ATG7: variants seen among roughly 807,000 people sequenced by gnomAD.
ATG7 encodes the protein ubiquitin-like modifier-activating enzyme ATG7.
In ATG7, 70 loss-of-function variants were observed where a neutral mutation model predicts 82.4. The observed-to-expected ratio is 0.85, with a 90% confidence interval of 0.70 to 1.04. The LOEUF is 1.04. Among genes scored for constraint, ATG7 ranks in the 50% least tolerant of loss-of-function variants. The pLI is 0.00. For missense variants in ATG7, 792 were observed against 864.3 expected, an observed-to-expected ratio of 0.92 and a Z score of 1.05; for synonymous variants, 287 against 313.0, an observed-to-expected ratio of 0.92 and a Z score of 0.88.
chr3:11,342,537 T>C (rs1953818729), intron 13 of ATG7, among the ~76,000 whole-genome samples: 1 of 152,176 alleles, frequency 6.6e-6, no homozygotes, highest in South Asian at 2.1e-4. Flanking sequence ...GCAGCCTTTT[T>C]CCCAGATGTT....
intron 20 of ATG7, among the ~76,000 whole-genome samples, chr3:11,514,256 A>C (rs2092192269): frequency 6.6e-6 from 1 of 152,240 alleles, no homozygotes; most frequent in Non-Finnish European, 1.5e-5. Context: ...TGTGACTTTT[A>C]GACCCATGTT....
chr3:11,313,216 A>G, intron 7 of ATG7, 88 bp from the exon 8 acceptor site: 1 of 770,110 alleles, frequency 1.3e-6, no homozygotes, highest in Non-Finnish European at 2.1e-6. Context: ...TGCTATCTTA[A>G]TTGGCCTTGA....
chr3:11,546,469 G>A (rs2071301318), intron 20 of ATG7, among the ~76,000 whole-genome samples: 3 of 152,306 alleles, frequency 2.0e-5, no homozygotes, highest in South Asian at 2.1e-4. Flanking sequence ...ACTGCGCCCA[G>A]CCTTATTTTA....
intron 20 of ATG7, among the ~76,000 whole-genome samples, chr3:11,452,292 G>T (rs552693594): frequency 1.3e-5 from 2 of 148,166 alleles, no homozygotes; most frequent in African/African-American, 5.1e-5. Flanking sequence ...GGCTGAGGCA[G>T]GAGAATCACT....
At chr3:11,521,449 C>T (rs1276065222) in intron 20 of ATG7, among the ~76,000 whole-genome samples, 1 of 152,106 alleles carries the variant, frequency 6.6e-6, no homozygotes, top group African/African-American at 2.4e-5. Context: ...GCGCATCGCA[C>T]AGCAGGGCAC....
chr3:11,507,183 G>A (rs2091779097), intron 20 of ATG7, among the ~76,000 whole-genome samples: 2 of 152,176 alleles, frequency 1.3e-5, no homozygotes, highest in Admixed American at 6.5e-5. Flanking sequence ...TCAGGAGGCT[G>A]AGGCAGGAGA....
intron 20 of ATG7, among the ~76,000 whole-genome samples, chr3:11,506,571 AAAAAAAAAAAAAACCC>A (rs2091732290): frequency 2.2e-5 from 3 of 135,452 alleles, no homozygotes; most frequent in African/African-American, 8.7e-5. Context: ...AAAAAAAAAA[AAAAAAAAAAAAAACCC>A]AAAAATTAGC....
chr3:11,534,376 C>T (rs1028979124), intron 20 of ATG7, among the ~76,000 whole-genome samples: 1 of 152,226 alleles, frequency 6.6e-6, no homozygotes. Flanking sequence ...TGATGGGCGT[C>T]GCCTCAGAAT....
intron 20 of ATG7, among the ~76,000 whole-genome samples, chr3:11,533,948 G>A (rs565873179): frequency 2.6e-5 from 4 of 152,212 alleles, no homozygotes; most frequent in Admixed American, 6.5e-5. Context: ...AACTTGGAGC[G>A]CATCTTGAGG....
At position 11,555,004 on chromosome 3, in the gene ATG7, C is replaced by A. The variant is rs538044270; in HGVS notation, c.*161C>A. 4.8e-6 allele frequency: 4 copies of A among 841,436 alleles called. No homozygotes were observed. Among genetic ancestry groups the A allele is most frequent in the Admixed American group, 3.1e-5 (1 of 32,646 alleles). The allele number at this position is 841,436 out of a possible 1,614,324, so 52.1% of individuals were successfully genotyped here. On this transcript the variant is annotated 3_prime_UTR_variant, in exon 21 of 21. Transcript: ENST00000693202. ...CTGCTGCCCAGGAGTGGCCAGTGTT[C>A]GGCGTTGCTCGGGATTCAAGATACC...
intron 9 of ATG7, among the ~76,000 whole-genome samples, chr3:11,317,092 G>A (rs2606755): frequency 0.52 from 79,437 of 151,846 alleles, 21,950 homozygotes; most frequent in Non-Finnish European, 0.63. Context: ...CGCCCACCTC[G>A]GCCTCCCAAA....
intron 20 of ATG7, among the ~76,000 whole-genome samples, chr3:11,517,619 G>T (rs1320525166): frequency 2.0e-5 from 3 of 152,326 alleles, no homozygotes; most frequent in African/African-American, 7.2e-5. Context: ...GCCCTGGGAG[G>T]CTTCACTAGA....
At chr3:11,430,347 G>A (rs922497265) in intron 20 of ATG7, among the ~76,000 whole-genome samples, 5 of 151,958 alleles carry the variant, frequency 3.3e-5, no homozygotes, top group East Asian at 1.9e-4. Flanking sequence ...ATACCTTTAC[G>A]TATATCTGTG....
intron 20 of ATG7, among the ~76,000 whole-genome samples, chr3:11,450,692 T>G (rs2085031811): frequency 6.6e-6 from 1 of 152,212 alleles, no homozygotes; most frequent in South Asian, 2.1e-4. Flanking sequence ...GCAGGGATAT[T>G]AAATTTTTGC....
At chr3:11,568,131 G>A in the ATG7 span, among the ~76,000 whole-genome samples, 1 of 152,170 alleles carries the variant, frequency 6.6e-6, no homozygotes, top group East Asian at 1.9e-4. The surrounding 1 kb of genome is among the most constrained non-coding windows in gnomAD (Gnocchi z 5.9). Flanking sequence ...CTCTGGATCC[G>A]GGCAAGGATA....
At chr3:11,381,532 A>G (rs2077898365) in intron 19 of ATG7, among the ~76,000 whole-genome samples, 2 of 152,250 alleles carry the variant, frequency 1.3e-5, no homozygotes, top group Admixed American at 1.3e-4. Flanking sequence ...TAAAAGAATC[A>G]CAAGCATACC....
intron 3 of ATG7, among the ~76,000 whole-genome samples, chr3:11,286,566 CT>C (rs1252114358): frequency 1.4e-4 from 15 of 105,730 alleles, no homozygotes; most frequent in South Asian, 6.4e-4. Context: ...TTTGTCTTTT[CT>C]TTTCTTTCTT....
rs1324796585 is a variant in ATG7 at position 11,545,717 on chromosome 3, G to T, written c.2080-9094G>T. Among the ~76,000 whole-genome samples, 7 of 152,252 alleles carry T rather than the reference G, an allele frequency of 4.6e-5. No individual in the cohort carries two copies. In the East Asian group the frequency reaches 9.7e-4, roughly 21 times the overall value. ...TCTCCTGGGCGTGTGTCTCTCTGTT[G>T]TCAGCCCCCCTGGCGGTTCTTCCTT... On this transcript the variant is annotated intron_variant, in intron 20 of 20. Transcript: ENST00000693202.
Position 11,442,370 on chromosome 3 carries a change from C to T in ATG7, c.2079+15444C>T, listed in dbSNP as rs565022966. Among the ~76,000 whole-genome samples the T allele has an allele frequency of 3.3e-5, 5 of 152,180 alleles. 1 individual carries two copies. The highest frequency in any genetic ancestry group is 1.2e-4 in the African/African-American group (5 of 41,520). ...ATGCCTACTCCACAAAGTTGATGTGCTTTGAAATCTTTAATACAAACATTT... is the reference window on the plus strand; with the variant it reads ...ATGCCTACTCCACAAAGTTGATGTGTTTTGAAATCTTTAATACAAACATTT... On this transcript the variant is annotated intron_variant, in intron 20 of 20. Coordinates refer to ENST00000693202, the MANE Select transcript of ATG7 (RefSeq NM_001349232.2).
Sources: gnomAD v4.1 joint callset for allele counts (sites outside exome capture counted in the v4.1 genomes callset) on GRCh38, gnomAD v4.1.1 for gene constraint, Gnocchi (gnomAD v3.1) non-coding constraint, MANE v1.5 for transcripts, NCBI Gene and HGNC (gene_info 2026-07-23, HGNC 2026-07-21) for gene names.